Variants in FYB1 observed in about 807,000 individuals in gnomAD.
FYB1 encodes the protein FYN-binding protein 1.
FYB1 carries 41 observed loss-of-function variants against 94.1 expected under a neutral mutation model. The observed-to-expected ratio is 0.44, with a 90% CI of 0.34 to 0.57. The LOEUF (loss-of-function observed/expected upper bound fraction) is 0.57. Ranked by LOEUF, FYB1 falls within the 20% of genes least tolerant of loss-of-function variation. The pLI is 0.02. For synonymous variants in FYB1, 367 were observed against 353.2 expected (o/e 1.04, Z -0.44); for missense variants, 1,050 against 976.8 (o/e 1.07, Z -1.00).
At chr5:39,214,285 C>T (rs1278924405) in intron 1 of FYB1, among the ~76,000 whole-genome samples, 1 of 152,178 alleles carries the variant, frequency 6.6e-6, no homozygotes, top group African/African-American at 2.4e-5. Context: ...TTGTGCACTG[C>T]TGGTGGGAAC....
At chr5:39,172,461 T>C in intron 2 of FYB1, among the ~76,000 whole-genome samples, 1 of 151,640 alleles carries the variant, frequency 6.6e-6, no homozygotes, top group Admixed American at 6.6e-5. Context: ...AAAAAAATAG[T>C]AATTTCAACT....
At chr5:39,250,396 C>T (rs1043916612) in intron 1 of FYB1, among the ~76,000 whole-genome samples, 1 of 152,056 alleles carries the variant, frequency 6.6e-6, no homozygotes, top group Non-Finnish European at 1.5e-5. Context: ...TTGCAGAAAT[C>T]GAGGAAAGAC....
intron 10 of FYB1, among the ~76,000 whole-genome samples, chr5:39,128,680 C>T (rs188897447): frequency 1.3e-5 from 2 of 152,274 alleles, no homozygotes; most frequent in Admixed American, 1.3e-4. Context: ...GTGGCTTACT[C>T]TGAGTCACTT....
At chr5:39,205,760 G>C (rs1403708689) in intron 1 of FYB1, among the ~76,000 whole-genome samples, 1 of 152,160 alleles carries the variant, frequency 6.6e-6, no homozygotes, top group Admixed American at 6.5e-5. Context: ...GTTATGACTT[G>C]AGTTCAAACC....
upstream of FYB1, among the ~76,000 whole-genome samples, chr5:39,221,458 T>C (rs1401774013): frequency 6.6e-6 from 1 of 152,210 alleles, no homozygotes; most frequent in Non-Finnish European, 1.5e-5. Flanking sequence ...ATAACCACTA[T>C]AGAGATAGAC....
intron 5 of FYB1, chr5:39,138,894 C>T (rs968085358): frequency 2.9e-4 from 177 of 613,758 alleles, no homozygotes; most frequent in Middle Eastern, 4.4e-4. Context: ...CTCAGTAAAA[C>T]AACTATTGTA....
intron 2 of FYB1, among the ~76,000 whole-genome samples, chr5:39,175,722 T>C (rs562721225): frequency 1.5e-4 from 22 of 148,912 alleles, no homozygotes; most frequent in African/African-American, 5.3e-4. Flanking sequence ...TCAGAACTCA[T>C]TGGCTGGTGC....
chr5:39,233,226 G>A (rs1750824963), intron 1 of FYB1, among the ~76,000 whole-genome samples: 1 of 152,102 alleles, frequency 6.6e-6, no homozygotes, highest in African/African-American at 2.4e-5. Context: ...CAAATAAACG[G>A]TTTGGTTTAC....
At position 39,105,432 on chromosome 5, in the gene FYB1, A is replaced by G. The variant is rs369048121; in HGVS notation, c.*2011T>C. The G allele has an allele frequency of 3.3e-5, 5 of 152,180 alleles. No homozygotes were observed. Among genetic ancestry groups the G allele is most frequent in the African/African-American group, 1.2e-4 (5 of 41,452 alleles). The allele number at this position is 152,180 out of a possible 1,614,324, so 9.4% of individuals were successfully genotyped here. A position where few individuals can be genotyped will look rare whatever the true frequency, so the allele number is the denominator to read the frequency against. On this transcript the variant is annotated 3_prime_UTR_variant, in exon 19 of 19. Transcript: ENST00000512982. ...TATGTGTGTCTGTTTCTTGATGTGT[A>G]AACCAAAACTCTGAAATATTCTCTT...
chr5:39,157,876 C>T, intron 2 of FYB1, among the ~76,000 whole-genome samples: 1 of 152,166 alleles, frequency 6.6e-6, no homozygotes, highest in East Asian at 1.9e-4. Flanking sequence ...GGTTCAGCAG[C>T]AATGAGCTAA....
At chr5:39,132,802 AC>A (rs1397549125) in intron 9 of FYB1, among the ~76,000 whole-genome samples, 3 of 152,222 alleles carry the variant, frequency 2.0e-5, no homozygotes, top group African/African-American at 7.2e-5. Context: ...TTTTTAAAAA[AC>A]AAAAGGCACA....
chr5:39,195,490 C>T (rs1747750403), intron 2 of FYB1, among the ~76,000 whole-genome samples: 2 of 152,202 alleles, frequency 1.3e-5, no homozygotes, highest in Non-Finnish European at 2.9e-5. Flanking sequence ...ATAGCCCAGG[C>T]ACCTTTTGGT....
intron 1 of FYB1, among the ~76,000 whole-genome samples, chr5:39,260,837 A>G (rs1468086055): frequency 6.6e-6 from 1 of 152,064 alleles, no homozygotes; most frequent in African/African-American, 2.4e-5. Flanking sequence ...TGGGGATTAT[A>G]CATCCTCATA....
intron 1 of FYB1, among the ~76,000 whole-genome samples, chr5:39,241,195 G>A (rs1423576165): frequency 2.6e-5 from 4 of 152,128 alleles, no homozygotes; most frequent in Non-Finnish European, 5.9e-5. Flanking sequence ...AGGATCAAAG[G>A]AATGCCTATT....
chr5:39,141,172 T>G, intron 3 of FYB1, 31 bp from the exon 4 acceptor site: 1 of 1,469,342 alleles, frequency 6.8e-7, no homozygotes, highest in East Asian at 2.3e-5. Flanking sequence ...ACAGTGAACA[T>G]GGAACAAGTA....
At chr5:39,270,596 C>G in intron 1 of FYB1, 1 of 1,534,622 alleles carries the variant, frequency 6.5e-7, no homozygotes, top group Non-Finnish European at 8.7e-7. Flanking sequence ...GTTGATATGC[C>G]TGGCACACAA....
intron 1 of FYB1, among the ~76,000 whole-genome samples, chr5:39,245,268 C>T (rs965012209): frequency 3.9e-5 from 6 of 152,048 alleles, no homozygotes; most frequent in Admixed American, 3.3e-4. Context: ...GGTCAAAATA[C>T]CTATAAATCT....
chr5:39,202,343 G>C lies in FYB1; in HGVS notation c.618C>G (p.Thr206=), dbSNP rs376966135. 15 of 1,613,882 alleles carry C rather than the reference G, an allele frequency of 9.3e-6. No individual in the cohort carries two copies. The highest frequency in any genetic ancestry group is 3.3e-4 in the Middle Eastern group (2 of 6,054). The change falls in exon 2 of 19, where the codon ACC becomes ACG. Residue 206 remains threonine (T), a synonymous_variant. Coordinates refer to ENST00000512982, the MANE Select transcript of FYB1 (RefSeq NM_001465.6). ...GGCTTTCGTCTTCATGGGAGTTCTC[G>C]GTACTTAGGGGCGGCTTCTGGCCAA... ...PAFGQKPPLS[T]ENSHEDESPM...
At chr5:39,142,847 T>C (rs1261373096) in intron 3 of FYB1, among the ~76,000 whole-genome samples, 2 of 152,228 alleles carry the variant, frequency 1.3e-5, no homozygotes, top group Admixed American at 1.3e-4. Context: ...CTTGATTGCT[T>C]TGTGGCCCTG....
Sources: gnomAD v4.1 joint callset for allele counts (sites outside exome capture counted in the v4.1 genomes callset) on GRCh38, gnomAD v4.1.1 for gene constraint, MANE v1.5 for transcripts, NCBI Gene and HGNC (gene_info 2026-07-23, HGNC 2026-07-21) for gene names.